TMEM45A: variants seen among roughly 807,000 people sequenced by gnomAD.
TMEM45A encodes the protein transmembrane protein 45A.
A neutral mutation model predicts 32.0 loss-of-function variants in TMEM45A; 25 were observed. The ratio of observed to expected loss-of-function variants is 0.78; its 90% CI spans 0.57 to 1.09. The LOEUF (loss-of-function observed/expected upper bound fraction) is 1.09. Ranked by LOEUF, TMEM45A falls within the 50% of genes least tolerant of loss-of-function variation. The probability of loss-of-function intolerance (pLI) is 0.00; values close to 1 mark genes in which losing one functional copy is unlikely to be tolerated. For missense variants in TMEM45A, 302 were observed against 325.0 expected, an observed-to-expected ratio of 0.93 and a Z score of 0.54; for synonymous variants, 122 against 114.8, an observed-to-expected ratio of 1.06 and a Z score of -0.40.
chr3:100,561,823 C>T (rs1196859799), intron 4 of TMEM45A, among the ~76,000 whole-genome samples: 1 of 152,170 alleles, frequency 6.6e-6, no homozygotes, highest in East Asian at 1.9e-4. Context: ...CACTGCATCT[C>T]CCAGCTCCAC....
At chr3:100,493,318 T>C (rs1238321886) in intron 1 of TMEM45A, among the ~76,000 whole-genome samples, 2 of 152,114 alleles carry the variant, frequency 1.3e-5, no homozygotes. Context: ...GGGACTGTTT[T>C]GATGGGAGAT....
At chr3:100,533,568 T>C (rs866806833) in intron 1 of TMEM45A, among the ~76,000 whole-genome samples, 1 of 152,134 alleles carries the variant, frequency 6.6e-6, no homozygotes, top group South Asian at 2.1e-4. Context: ...CACACTGGGG[T>C]GAGCACTTCT....
rs1706660425 is a variant in TMEM45A, at chr3:100,575,363, C to CTCTTTTTTTTTTTTT, written c.735-1561_735-1560insCTTTTTTTTTTTTTT. ...TGCTTCCCCCAGGCCTATGGATTCT[C>CTCTTTTTTTTTTTTT]TTTTTTTTTTTTTTTTTTTTTTTTT... On this transcript the variant is annotated intron_variant, in intron 5 of 5. Coordinates refer to ENST00000323523, the MANE Select transcript of TMEM45A (RefSeq NM_018004.3). Among the ~76,000 whole-genome samples, 200 of 62,768 alleles carry CTCTTTTTTTTTTTTT rather than the reference C, an allele frequency of 3.2e-3. 6 individuals carry two copies. The highest frequency in any genetic ancestry group is 0.01 in the African/African-American group (195 of 18,638). 41.2% of individuals were successfully genotyped at this position (62,768 alleles called of 152,430 possible).
chr3:100,492,755 T>TCCACCCCC lies in TMEM45A; in HGVS notation c.-175_-174insACCCCCCC, dbSNP rs755848570. 1 of 143,524 alleles carries TCCACCCCC rather than the reference T, an allele frequency of 7.0e-6. No homozygotes were observed. Among genetic ancestry groups the TCCACCCCC allele is most frequent in the African/African-American group, 2.7e-5 (1 of 36,840 alleles). The allele number at this position is 143,524 out of a possible 1,614,324, so 8.9% of individuals were successfully genotyped here. On this transcript the variant is annotated 5_prime_UTR_variant, in exon 1 of 6. Coordinates refer to ENST00000323523, the MANE Select transcript of TMEM45A (RefSeq NM_018004.3). Reference sequence around the variant, plus strand: ...CGACTAGGGACCCAAGTTTAAAAATTCCTCCCCCCACCCAATGCGAGACGT... The same window carrying TCCACCCCC: ...CGACTAGGGACCCAAGTTTAAAAATTCCACCCCCCCTCCCCCCACCCAATGCGAGACGT...
At chr3:100,569,352 C>T (rs1376839302) in intron 5 of TMEM45A, among the ~76,000 whole-genome samples, 4 of 152,178 alleles carry the variant, frequency 2.6e-5, no homozygotes, top group Non-Finnish European at 5.9e-5. Flanking sequence ...TCTTAAGCTT[C>T]GAGTCCTTTT....
intron 1 of TMEM45A, among the ~76,000 whole-genome samples, chr3:100,542,191 A>G (rs1393147697): frequency 6.6e-6 from 1 of 152,214 alleles, no homozygotes; most frequent in East Asian, 1.9e-4. Flanking sequence ...TCTGTAAAAA[A>G]TGACCTTGGT....
chr3:100,540,562 A>T (rs1705850388), intron 1 of TMEM45A, among the ~76,000 whole-genome samples: 1 of 152,222 alleles, frequency 6.6e-6, no homozygotes. Context: ...GAATGCGGAG[A>T]AACAAGAACT....
intron 1 of TMEM45A, among the ~76,000 whole-genome samples, chr3:100,517,392 G>A (rs1370483036): frequency 6.6e-6 from 1 of 152,150 alleles, no homozygotes; most frequent in Non-Finnish European, 1.5e-5. Context: ...GGCTGGGAAT[G>A]GAATATTCCT....
intron 3 of TMEM45A, among the ~76,000 whole-genome samples, chr3:100,557,288 A>G (rs1576289045): frequency 6.6e-6 from 1 of 152,202 alleles, no homozygotes; most frequent in East Asian, 1.9e-4. Flanking sequence ...CACTTTTAAC[A>G]AACGAAAACT....
intron 1 of TMEM45A, among the ~76,000 whole-genome samples, chr3:100,506,043 A>G (rs140302648): frequency 3.7e-3 from 564 of 152,240 alleles, no homozygotes; most frequent in African/African-American, 0.013. Flanking sequence ...CATCGTACTG[A>G]CCAGCACCTG....
chr3:100,571,232 G>A (rs1033184578), intron 5 of TMEM45A: 3 of 152,028 alleles, frequency 2.0e-5, no homozygotes, highest in African/African-American at 4.8e-5. Context: ...CAGTCTTAAT[G>A]TAACCAGTGA....
intron 1 of TMEM45A, among the ~76,000 whole-genome samples, chr3:100,499,569 A>G (rs879281726): frequency 2.0e-5 from 3 of 152,212 alleles, no homozygotes; most frequent in Admixed American, 2.0e-4. Flanking sequence ...TTTTTCTTAT[A>G]GAATTACTAA....
At chr3:100,502,087 C>G (rs1014119090) in intron 1 of TMEM45A, among the ~76,000 whole-genome samples, 1 of 152,138 alleles carries the variant, frequency 6.6e-6, no homozygotes, top group Non-Finnish European at 1.5e-5. Flanking sequence ...ATTAACTACT[C>G]TCATAAAATT....
intron 1 of TMEM45A, among the ~76,000 whole-genome samples, chr3:100,533,673 G>T (rs1295664746): frequency 6.6e-6 from 1 of 152,078 alleles, no homozygotes; most frequent in Non-Finnish European, 1.5e-5. Flanking sequence ...ATCCCTTTGG[G>T]TTCCTGCCTG....
chr3:100,528,925 A>G (rs1424506391), intron 1 of TMEM45A, among the ~76,000 whole-genome samples: 1 of 152,196 alleles, frequency 6.6e-6, no homozygotes, highest in East Asian at 1.9e-4. Context: ...GAGCAATGTA[A>G]AAAAATGACT....
At chr3:100,532,303 G>A (rs1482904177) in intron 1 of TMEM45A, among the ~76,000 whole-genome samples, 1 of 152,154 alleles carries the variant, frequency 6.6e-6, no homozygotes, top group Non-Finnish European at 1.5e-5. Context: ...TGCATCTTTG[G>A]CTGGTTCCTT....
intron 4 of TMEM45A, among the ~76,000 whole-genome samples, chr3:100,567,580 A>T (rs1406189947): frequency 6.7e-6 from 1 of 148,940 alleles, no homozygotes; most frequent in Non-Finnish European, 1.5e-5. Flanking sequence ...TTGAATCTGT[A>T]GATTGCTTTG....
At chr3:100,549,772 T>C (rs1036420676) in intron 1 of TMEM45A, among the ~76,000 whole-genome samples, 1 of 151,958 alleles carries the variant, frequency 6.6e-6, no homozygotes, top group Non-Finnish European at 1.5e-5. Context: ...CCTGTGTCCA[T>C]GTGATCTCAT....
At chr3:100,494,776 T>G (rs1339818948) in intron 1 of TMEM45A, among the ~76,000 whole-genome samples, 1 of 152,048 alleles carries the variant, frequency 6.6e-6, no homozygotes, top group Non-Finnish European at 1.5e-5. Context: ...GCTGGCCTGG[T>G]TCAATTTACA....
Sources: gnomAD v4.1 joint callset for allele counts (sites outside exome capture counted in the v4.1 genomes callset) on GRCh38, gnomAD v4.1.1 for gene constraint, MANE v1.5 for transcripts, NCBI Gene and HGNC (gene_info 2026-07-23, HGNC 2026-07-21) for gene names.